RBL1: variants seen among roughly 807,000 people sequenced by gnomAD.
RBL1 encodes RB transcriptional corepressor like 1, also known as retinoblastoma-like protein 1.
A neutral mutation model predicts 123.0 loss-of-function variants in RBL1; 82 were observed. The ratio of observed to expected loss-of-function variants is 0.67; its 90% CI spans 0.56 to 0.80. RBL1 has a LOEUF of 0.80. Among genes scored for constraint, RBL1 ranks in the 30% least tolerant of loss-of-function variants. The pLI is 0.00. For missense variants in RBL1, 1,171 were observed against 1,299.6 expected (o/e 0.90, Z 1.52); for synonymous variants, 405 against 441.3 (o/e 0.92, Z 1.03).
At position 37,088,719 on chromosome 20, in the gene RBL1, C is replaced by T. The variant is rs1186468672; in HGVS notation, c.290+270G>A. ...AAAAAAAAAAATACAAAAAATTAGC[C>T]GGGCTTGGTGGTGTGTGTCTGTAAT... On this transcript the variant is annotated intron_variant, in intron 2 of 21. Coordinates refer to ENST00000373664, the MANE Select transcript of RBL1 (RefSeq NM_002895.5). Among the ~76,000 whole-genome samples the T allele has an allele frequency of 5.9e-5, 9 of 151,374 alleles. No homozygotes were observed. The East Asian group carries it at 1.4e-3, about 23-fold the overall frequency.
intron 2 of RBL1, chr20:37,081,798 C>T: frequency 3.0e-6 from 1 of 328,020 alleles, no homozygotes; most frequent in African/African-American, 2.2e-5. Flanking sequence ...ACTTTAATTC[C>T]AGCTCCATCA....
At chr20:37,020,463 A>G (rs560936429) in intron 18 of RBL1, among the ~76,000 whole-genome samples, 196 bp downstream of exon 18, 1 of 152,348 alleles carries the variant, frequency 6.6e-6, no homozygotes, top group East Asian at 1.9e-4. Context: ...TATATGGATG[A>G]GTCGGAAACA....
At position 37,095,990 on chromosome 20, in the gene RBL1, C is replaced by G. The variant is rs1474633339; in HGVS notation, c.-62G>C. On this transcript the variant is annotated 5_prime_UTR_variant, in exon 1 of 22. Transcript: ENST00000373664. ...GACTTCTTTCTCCCTCCCAGGCGCG[C>G]TACCCACAACCACCTGCGCCAAAGC... 7.5e-7 allele frequency: 1 copy of G among 1,328,294 alleles called. No individual in the cohort carries two copies. Among genetic ancestry groups the G allele is most frequent in the South Asian group, 1.6e-5 (1 of 63,886 alleles). 82.3% of individuals were successfully genotyped at this position (1,328,294 alleles called of 1,614,324 possible).
At chr20:37,079,108 G>T (rs780904059) in intron 2 of RBL1, among the ~76,000 whole-genome samples, 35 of 151,446 alleles carry the variant, frequency 2.3e-4, no homozygotes, top group Admixed American at 9.2e-4. Context: ...GGAGGGTGAG[G>T]TGGGAGGACT....
chr20:37,056,640 A>G (rs1188300912), intron 9 of RBL1, among the ~76,000 whole-genome samples: 1 of 152,198 alleles, frequency 6.6e-6, no homozygotes, highest in Non-Finnish European at 1.5e-5. Context: ...GGCATGAGCC[A>G]CCATGCCCGG....
At chr20:37,064,130 CTTTT>C (rs2065140944) in intron 7 of RBL1, among the ~76,000 whole-genome samples, 1 of 145,876 alleles carries the variant, frequency 6.9e-6, no homozygotes, top group Admixed American at 6.8e-5. Context: ...GCCTTAATTT[CTTTT>C]CTTTCTTTTT....
At chr20:37,033,502 T>C (rs2064549410) in intron 15 of RBL1, among the ~76,000 whole-genome samples, 1 of 151,286 alleles carries the variant, frequency 6.6e-6, no homozygotes, top group Non-Finnish European at 1.5e-5. Context: ...TTTTTAGAGA[T>C]GGGAGTTTTG....
intron 16 of RBL1, 54 bp from the exon 17 acceptor site, chr20:37,022,880 AT>A: frequency 1.4e-6 from 2 of 1,390,350 alleles, no homozygotes; most frequent in Non-Finnish European, 2.0e-6. Flanking sequence ...CATTTCTCAA[AT>A]TTTTATGTCT....
intron 15 of RBL1, among the ~76,000 whole-genome samples, chr20:37,034,448 T>C (rs2064569563): frequency 1.3e-5 from 2 of 152,012 alleles, no homozygotes; most frequent in Non-Finnish European, 2.9e-5. Flanking sequence ...TACATACATA[T>C]TGGAAAGCTC....
At position 37,071,494 on chromosome 20, in the gene RBL1, A is replaced by G. The variant is rs373393428; in HGVS notation, c.291-3308T>C. On this transcript the variant is annotated intron_variant, in intron 2 of 21. Coordinates refer to ENST00000373664, the MANE Select transcript of RBL1 (RefSeq NM_002895.5). ...AACACAGTGAGATCTCGTCTCTACA[A>G]AAAATTTAAAAGTTAGCAAAGCATG... Among the ~76,000 whole-genome samples, 45 of 152,020 alleles carry G rather than the reference A, an allele frequency of 3.0e-4. No individual in the cohort carries two copies. In the East Asian group the frequency reaches 3.3e-3, roughly 11 times the overall value.
rs2064697271 is a variant in RBL1, at chr20:37,040,179, C to A, written c.1877G>T (p.Arg626Leu). The part of the protein sequence containing the change: ...PLMHPRVKEV[R>L]TDSGSLRRDM... ...TCTTCGAAGACTCCCACTGTCAGTT[C>A]GAACTTCCTTGACTCTTGGGTGCAT... is the stretch of plus-strand genomic sequence containing the variant. The change falls in exon 14 of 22, where the codon CGA (arginine) becomes CTA (leucine). Residue 626 changes from arginine (R) to leucine (L), a missense_variant. Arg to Leu is a moderately radical substitution (Grantham distance 102). Transcript: ENST00000373664. The A allele has an allele frequency of 2.5e-6, 4 of 1,613,816 alleles. No homozygotes were observed. In the Admixed American group the frequency reaches 6.7e-5, roughly 27 times the overall value.
At chr20:37,042,122 G>A (rs915419220) in intron 13 of RBL1, among the ~76,000 whole-genome samples, 1 of 149,238 alleles carries the variant, frequency 6.7e-6, no homozygotes, top group East Asian at 2.0e-4. Context: ...GAAAATGGGA[G>A]AAACATTTTG....
At chr20:37,017,015 G>T (rs560140102) in intron 19 of RBL1, among the ~76,000 whole-genome samples, 1 of 151,706 alleles carries the variant, frequency 6.6e-6, no homozygotes, top group African/African-American at 2.4e-5. Context: ...GAGACGAGAC[G>T]AGACAAGACG....
Position 37,035,478 on chromosome 20 carries a change from T to C in RBL1, c.1934A>G (p.His645Arg), listed in dbSNP as rs906910943. 4.4e-6 allele frequency: 7 copies of C among 1,596,580 alleles called. No homozygotes were observed. The highest frequency in any genetic ancestry group is 1.8e-5 in the Admixed American group (1 of 56,924). ...TGCGGTAGGAGAACTGTAGCGTTCA[T>C]GGACAGAAATTGGAGACAATGGTTG... is the stretch of plus-strand genomic sequence containing the variant. ...DMQPLSPISVHERYSSPTAGS... is the reference protein window; with the variant it reads ...DMQPLSPISVRERYSSPTAGS... Residue 645 changes from histidine to arginine, a missense_variant, in exon 15 of 22, where the codon CAT becomes CGT. His to Arg is a conservative substitution (Grantham distance 29, BLOSUM62 0). Coordinates refer to ENST00000373664, the MANE Select transcript of RBL1 (RefSeq NM_002895.5).
Position 36,996,403 on chromosome 20 carries a change from T to C in RBL1, c.*2356A>G, listed in dbSNP as rs2146184408. ...TTATTAGCCATTCTATGTACATTGA[T>C]ACCAAGTCCTGAAAACTGATAAAAA... On this transcript the variant is annotated 3_prime_UTR_variant, in exon 22 of 22. Transcript: ENST00000373664. 6.6e-6 allele frequency: 1 copy of C among 152,312 alleles called. No individual in the cohort carries two copies. Among genetic ancestry groups the C allele is most frequent in the Admixed American group, 6.5e-5 (1 of 15,290 alleles). The allele number at this position is 152,312 out of a possible 1,614,324, so 9.4% of individuals were successfully genotyped here.
In RBL1 at chr20:37,062,138, C is replaced by T; in HGVS notation, c.1029G>A (p.Gly343=). 2 of 1,614,184 alleles carry T rather than the reference C, an allele frequency of 1.2e-6. No individual in the cohort carries two copies. Among genetic ancestry groups the T allele is most frequent in the Non-Finnish European group, 1.7e-6 (2 of 1,180,018 alleles). The change falls in exon 8 of 22, where the codon GGG becomes GGA. Residue 343 remains glycine, a synonymous_variant. Transcript: ENST00000373664. ...CCACATTAGCCTGTGCTGTCAGTTTCCCTAATGGGGTGTCACGAGTGAACT... is the reference window on the plus strand; with the variant it reads ...CCACATTAGCCTGTGCTGTCAGTTTTCCTAATGGGGTGTCACGAGTGAACT... The part of the protein sequence containing the change: ...PRKFTRDTPL[G]KLTAQANVEY...
chr20:37,032,966 T>C, intron 15 of RBL1, 90 bp from the exon 16 acceptor site: 1 of 1,496,872 alleles, frequency 6.7e-7, no homozygotes, highest in African/African-American at 1.4e-5. Flanking sequence ...TATACATATA[T>C]CTGTGTGTAT....
chr20:37,032,291 G>A (rs1191611293), intron 16 of RBL1, among the ~76,000 whole-genome samples: 1 of 152,072 alleles, frequency 6.6e-6, no homozygotes, highest in African/African-American at 2.4e-5. Flanking sequence ...AATGAACCTA[G>A]AAGACATTAC....
intron 16 of RBL1, among the ~76,000 whole-genome samples, chr20:37,024,029 C>T (rs147461221): frequency 1.2e-3 from 187 of 151,920 alleles, no homozygotes; most frequent in African/African-American, 4.3e-3. Flanking sequence ...AGGTGATCTG[C>T]TGGCCTCGGC....
Sources: allele counts gnomAD v4.1 joint callset (sites outside exome capture counted in the v4.1 genomes callset), GRCh38; gene constraint gnomAD v4.1.1; transcripts MANE v1.5; gene names NCBI Gene and HGNC (gene_info 2026-07-23, HGNC 2026-07-21).